The following NPAS3 variants were observed in gnomAD, a reference collection of about 807,000 sequenced individuals.
NPAS3 encodes neuronal PAS domain protein 3.
In NPAS3, 14 loss-of-function variants were observed where a neutral mutation model predicts 73.1. The ratio of observed to expected loss-of-function variants is 0.19; its 90% CI spans 0.13 to 0.30. The LOEUF is 0.30. NPAS3 is among the 10% of genes least tolerant of loss of function. The pLI, the probability that NPAS3 is intolerant of heterozygous loss-of-function variation, is 1.00. For missense variants in NPAS3, 1,096 were observed against 1,250.0 expected (o/e 0.88, Z 1.86); for synonymous variants, 620 against 541.5 (o/e 1.14, Z -2.01).
intron 3 of NPAS3, among the ~76,000 whole-genome samples, chr14:33,324,813 G>A (rs181462140): frequency 6.6e-6 from 1 of 152,096 alleles, no homozygotes; most frequent in East Asian, 1.9e-4. Flanking sequence ...TGTTACCATC[G>A]TATTTAGAGT....
intron 7 of NPAS3, among the ~76,000 whole-genome samples, chr14:33,761,622 G>A (rs17101858): frequency 0.016 from 2,443 of 152,252 alleles, 61 homozygotes; most frequent in African/African-American, 0.056. Context: ...TAAAGTCAGC[G>A]TTGGTCACAA....
At chr14:33,706,342 G>A (rs2060655723) in intron 6 of NPAS3, among the ~76,000 whole-genome samples, 2 of 152,288 alleles carry the variant, frequency 1.3e-5, no homozygotes, top group Admixed American at 6.5e-5. Context: ...GAATATCCAT[G>A]TAAGGGATTA....
rs1347224452 is a variant in NPAS3, at chr14:32,977,380, A to ACACACACACC, written c.50+38015_50+38016insACACACACCC. On this transcript the variant is annotated intron_variant, in intron 1 of 11. Transcript: ENST00000356141. The stretch of plus-strand genomic sequence containing the variant: ...CGCACACACACACACACACACACAC[A>ACACACACACC]CCCCTAATCTATTTATTTAATGGAA... Among the ~76,000 whole-genome samples, 965 of 150,906 alleles carry ACACACACACC rather than the reference A, an allele frequency of 6.4e-3. 10 individuals carry two copies. The highest frequency in any genetic ancestry group is 0.023 in the African/African-American group (923 of 40,858).
At chr14:33,117,141 A>G (rs2139009440) in intron 2 of NPAS3, among the ~76,000 whole-genome samples, 1 of 152,148 alleles carries the variant, frequency 6.6e-6, no homozygotes, top group East Asian at 1.9e-4. Context: ...TATGCTGTAT[A>G]ATCATCCAAT....
At chr14:33,380,411 A>G (rs979645400) in intron 4 of NPAS3, among the ~76,000 whole-genome samples, 2 of 152,132 alleles carry the variant, frequency 1.3e-5, no homozygotes, top group Admixed American at 6.5e-5. Flanking sequence ...AACTGTAGCC[A>G]TGCACCTGTG....
upstream of NPAS3, among the ~76,000 whole-genome samples, chr14:32,938,827 G>T (rs929345472): frequency 6.8e-6 from 1 of 146,082 alleles, no homozygotes. Flanking sequence ...CCGCGCGGCC[G>T]CCTCCCCCCG....
intron 4 of NPAS3, among the ~76,000 whole-genome samples, chr14:33,418,181 G>T (rs2048228502): frequency 6.6e-6 from 1 of 151,782 alleles, no homozygotes; most frequent in South Asian, 2.1e-4. Flanking sequence ...TGTTGATAGG[G>T]CCCTACCTAA....
Position 33,696,473 on chromosome 14 carries a change from G to A in NPAS3, c.733+20088G>A, listed in dbSNP as rs149166386. 9.7e-4 allele frequency among the ~76,000 whole-genome samples: 148 copies of A among 152,308 alleles called. 1 individual carries two copies. Among genetic ancestry groups the A allele is most frequent in the African/African-American group, 3.4e-3 (140 of 41,574 alleles). On this transcript the variant is annotated intron_variant, in intron 6 of 11. Transcript: ENST00000356141. ...CGAGAGTGCTTCATGAAAACATGAA[G>A]CGTTTCATTTGAAAAGCTCAGTAGA...
At chr14:33,632,458 A>C (rs903655455) in intron 5 of NPAS3, among the ~76,000 whole-genome samples, 1 of 152,216 alleles carries the variant, frequency 6.6e-6, no homozygotes, top group Non-Finnish European at 1.5e-5. Context: ...TGTGTCCAAA[A>C]ATGCGAATTG....
At chr14:33,510,033 G>A (rs556915679) in intron 4 of NPAS3, among the ~76,000 whole-genome samples, 2 of 152,050 alleles carry the variant, frequency 1.3e-5, no homozygotes, top group Admixed American at 6.6e-5. Flanking sequence ...AGCACGCCCC[G>A]GGATAATAAA....
At chr14:33,097,039 A>T (rs567766154) in intron 2 of NPAS3, among the ~76,000 whole-genome samples, 1 of 150,808 alleles carries the variant, frequency 6.6e-6, no homozygotes, top group African/African-American at 2.4e-5. Flanking sequence ...ACCATGGAAG[A>T]CATTCTTGTT....
At chr14:32,982,334 G>A (rs1279211) in intron 1 of NPAS3, among the ~76,000 whole-genome samples, 115,428 of 152,166 alleles carry the variant, frequency 0.76, 45,280 homozygotes, top group East Asian at 0.95. Flanking sequence ...CTGTTGTACT[G>A]GGGATTAAGT....
At chr14:32,962,541 TTTTC>T (rs796527337) in intron 1 of NPAS3, among the ~76,000 whole-genome samples, 1 of 151,122 alleles carries the variant, frequency 6.6e-6, no homozygotes, top group Non-Finnish European at 1.5e-5. Flanking sequence ...GGGGGGTAGC[TTTTC>T]TTTCTTTCTT....
intron 4 of NPAS3, among the ~76,000 whole-genome samples, chr14:33,501,692 G>T (rs770179802): frequency 2.6e-5 from 4 of 151,266 alleles, no homozygotes; most frequent in South Asian, 4.2e-4. Context: ...CATGACTAGG[G>T]TGTTAACAGT....
Position 33,472,799 on chromosome 14 carries a change from G to A in NPAS3, c.469-87322G>A, listed in dbSNP as rs923368513. Among the ~76,000 whole-genome samples, 27 of 149,882 alleles carry A rather than the reference G, an allele frequency of 1.8e-4. 2 individuals carry two copies. Among genetic ancestry groups the A allele is most frequent in the African/African-American group, 6.8e-4 (27 of 39,562 alleles). On this transcript the variant is annotated intron_variant, in intron 4 of 11. Coordinates refer to ENST00000356141, the Ensembl canonical transcript of NPAS3. ...TGTATATGGGGTGGGGTGGAGGGTG[G>A]ATTAGAAGTCAAAAAATGTGTGCAA...
chr14:33,704,178 A>G (rs1020096004), intron 6 of NPAS3, among the ~76,000 whole-genome samples: 13 of 152,234 alleles, frequency 8.5e-5, no homozygotes, highest in African/African-American at 3.1e-4. Context: ...GAGAATTTTT[A>G]GGAATAAAGA....
chr14:33,636,903 G>GCACA lies in NPAS3; in HGVS notation c.559-39287_559-39284dup, dbSNP rs34527893. Among the ~76,000 whole-genome samples the GCACA allele has an allele frequency of 5.2e-4, 77 of 149,272 alleles. 1 individual carries two copies. The highest frequency in any genetic ancestry group is 1.2e-3 in the African/African-American group (49 of 40,748). Reference sequence around the variant, plus strand: ...AGCAGGAGGAGGACACTCGGAGTGTGCACACACACACACACACACACACAG... The same window carrying GCACA: ...AGCAGGAGGAGGACACTCGGAGTGTGCACACACACACACACACACACACACACAG... On this transcript the variant is annotated intron_variant, in intron 5 of 11. Transcript: ENST00000356141.
intron 2 of NPAS3, among the ~76,000 whole-genome samples, chr14:33,083,146 A>G (rs548599399): frequency 6.1e-4 from 78 of 127,444 alleles, no homozygotes; most frequent in African/African-American, 2.3e-3. Context: ...TCATGCCATT[A>G]CACTCCAGCC....
At chr14:33,359,153 A>G (rs1252424132) in intron 3 of NPAS3, among the ~76,000 whole-genome samples, 2 of 152,168 alleles carry the variant, frequency 1.3e-5, no homozygotes, top group Non-Finnish European at 2.9e-5. Flanking sequence ...GAATATATGA[A>G]TGGAGGAACA....
Sources: gnomAD v4.1 joint callset for allele counts (sites outside exome capture counted in the v4.1 genomes callset) on GRCh38, gnomAD v4.1.1 for gene constraint, MANE v1.5 for transcripts, NCBI Gene and HGNC (gene_info 2026-07-23, HGNC 2026-07-21) for gene names.